Variants in RND3 observed in about 807,000 individuals in gnomAD.
RND3 encodes Rho family GTPase 3, also known as rho-related GTP-binding protein RhoE.
A neutral mutation model predicts 26.5 loss-of-function variants in RND3; 8 were observed. The ratio of observed to expected loss-of-function variants is 0.30; its 90% CI spans 0.18 to 0.54. RND3 has a LOEUF of 0.54. RND3 is among the 20% of genes least tolerant of loss of function. The pLI is 0.94. For missense variants in RND3, 207 were observed against 302.8 expected (o/e 0.68, Z 2.35); for synonymous variants, 113 against 113.0 (o/e 1.00, Z 0.00).
chr2:150,486,505 T>G lies in RND3; in HGVS notation c.238+189A>C, dbSNP rs1037645042. ...CACAGCGCTCTCCTCTCCCCACTGC[T>G]ATCTCCTCGTCCACGCTGTCGTCTG... On this transcript the variant is annotated intron_variant, in intron 3 of 5. Coordinates refer to ENST00000263895, the MANE Select transcript of RND3 (RefSeq NM_005168.5). The surrounding 1 kb of genome is among the most constrained non-coding windows in gnomAD (Gnocchi z 4.5). 6.6e-6 allele frequency among the ~76,000 whole-genome samples: 1 copy of G among 152,318 alleles called. No individual in the cohort carries two copies. The highest frequency in any genetic ancestry group is 1.5e-5 in the Non-Finnish European group (1 of 68,016).
chr2:150,473,061 T>C (rs1686112402), intron 4 of RND3, among the ~76,000 whole-genome samples: 1 of 127,286 alleles, frequency 7.9e-6, no homozygotes, highest in Non-Finnish European at 1.6e-5. Context: ...TCTCTCCCTC[T>C]CTCCCTCACT....
At chr2:150,471,925 C>T (rs1271788281) in intron 4 of RND3, 164 bp from the exon 5 acceptor site, 4 of 602,446 alleles carry the variant, frequency 6.6e-6, no homozygotes, top group Non-Finnish European at 8.7e-6. Flanking sequence ...ATCTCCTGAA[C>T]AGATGTGAAG....
chr2:150,481,296 T>C (rs958174369), intron 3 of RND3, among the ~76,000 whole-genome samples: 27 of 152,170 alleles, frequency 1.8e-4, no homozygotes, highest in African/African-American at 6.5e-4. Flanking sequence ...GGGCTCACCA[T>C]CCTATAAACA....
chr2:150,486,920 A>G lies in RND3; in HGVS notation c.151-139T>C. 1.4e-6 allele frequency: 1 copy of G among 718,818 alleles called. No homozygotes were observed. Among genetic ancestry groups the G allele is most frequent in the South Asian group, 1.6e-5 (1 of 64,492 alleles). 44.5% of individuals were successfully genotyped at this position (718,818 alleles called of 1,614,324 possible). A position where few individuals can be genotyped will look rare whatever the true frequency, so the allele number is the denominator to read the frequency against. ...ACCTTCACACATCAGACCACACACT[A>G]AGCACATGGACCCTTTCCGAAACCC... On this transcript the variant is annotated intron_variant, in intron 2 of 5. Transcript: ENST00000263895. This position sits in a 1 kb window ranked among gnomAD's most constrained non-coding sequence, Gnocchi z 4.5.
chr2:150,483,023 C>A (rs985247610), intron 3 of RND3, among the ~76,000 whole-genome samples: 1 of 151,036 alleles, frequency 6.6e-6, no homozygotes, highest in Non-Finnish European at 1.5e-5. Context: ...ATAGTGGATG[C>A]GGGAAAAAAG....
intron 3 of RND3, among the ~76,000 whole-genome samples, chr2:150,481,279 A>C (rs1408460017): frequency 6.6e-6 from 1 of 152,144 alleles, no homozygotes; most frequent in Non-Finnish European, 1.5e-5. Flanking sequence ...CCAGGTTTAG[A>C]ACCTCCGGGC....
At chr2:150,471,791 A>G (rs924716586) in intron 4 of RND3, 30 bp from the exon 5 acceptor site, 5 of 1,564,662 alleles carry the variant, frequency 3.2e-6, no homozygotes, top group Non-Finnish European at 4.4e-6. Flanking sequence ...AAGATTAAAA[A>G]TGAACAAAGT....
Position 150,486,548 on chromosome 2 carries a change from G to T in RND3, c.238+146C>A, listed in dbSNP as rs964488159. 1.5e-5 allele frequency: 11 copies of T among 724,418 alleles called. No individual in the cohort carries two copies. The Admixed American group carries it at 2.0e-4, about 13-fold the overall frequency. 44.9% of individuals were successfully genotyped at this position (724,418 alleles called of 1,614,324 possible). ...GTCGTCTGCCGCCCCCACCCAGAAG[G>T]GATACAATTTTCGCCCAACAGGGAC... On this transcript the variant is annotated intron_variant, in intron 3 of 5. Coordinates refer to ENST00000263895, the MANE Select transcript of RND3 (RefSeq NM_005168.5). This position sits in a 1 kb window ranked among gnomAD's most constrained non-coding sequence, Gnocchi z 4.5.
chr2:150,479,899 T>A (rs1686241212), intron 3 of RND3, among the ~76,000 whole-genome samples: 3 of 152,214 alleles, frequency 2.0e-5, no homozygotes, highest in African/African-American at 7.2e-5. Context: ...TAATAGGAAC[T>A]ATGAACAGAT....
intron 3 of RND3, among the ~76,000 whole-genome samples, chr2:150,479,488 T>A (rs1335928955): frequency 2.0e-5 from 3 of 152,214 alleles, no homozygotes; most frequent in Non-Finnish European, 4.4e-5. Context: ...ACTTGAACCT[T>A]CATCTGAAAA....
chr2:150,478,544 A>G (rs1379364626), intron 3 of RND3, among the ~76,000 whole-genome samples: 1 of 150,082 alleles, frequency 6.7e-6, no homozygotes, highest in African/African-American at 2.5e-5. Context: ...ATATCCCTCC[A>G]GAAAAGTCTT....
chr2:150,482,166 G>C (rs1686285114), intron 3 of RND3, among the ~76,000 whole-genome samples: 1 of 152,218 alleles, frequency 6.6e-6, no homozygotes, highest in Non-Finnish European at 1.5e-5. Flanking sequence ...AATTGAATAT[G>C]TTAAAAGTAA....
At chr2:150,470,262 T>C in intron 5 of RND3, 24 bp from the exon 6 acceptor site, 5 of 1,607,518 alleles carry the variant, frequency 3.1e-6, no homozygotes, top group Non-Finnish European at 4.2e-6. Flanking sequence ...GAAGGGATTT[T>C]AACCAGCAAT....
intron 5 of RND3, among the ~76,000 whole-genome samples, 170 bp from the exon 6 acceptor site, chr2:150,470,408 CTTAT>C (rs1438376233): frequency 6.6e-6 from 1 of 152,090 alleles, no homozygotes; most frequent in East Asian, 1.9e-4. Flanking sequence ...TGTAAACTGC[CTTAT>C]TTATTACTTC....
chr2:150,487,060 T>C, intron 2 of RND3: 1 of 602,590 alleles, frequency 1.7e-6, no homozygotes, highest in Middle Eastern at 4.4e-4. Flanking sequence ...CCAGCCCATG[T>C]GCAGGCGCGT....
At chr2:150,472,694 C>T (rs1030066751) in intron 4 of RND3, among the ~76,000 whole-genome samples, 3 of 152,126 alleles carry the variant, frequency 2.0e-5, no homozygotes, top group Non-Finnish European at 2.9e-5. Flanking sequence ...TTCCCACCCA[C>T]ATTCACAAAT....
intron 3 of RND3, among the ~76,000 whole-genome samples, chr2:150,478,993 T>C (rs1471257244): frequency 6.6e-6 from 1 of 151,908 alleles, no homozygotes; most frequent in Admixed American, 6.6e-5. Context: ...AAACTCTATA[T>C]TGTAAAGAAA....
At position 150,485,720 on chromosome 2, in the gene RND3, C is replaced by A. The variant is rs550641283; in HGVS notation, c.238+974G>T. On this transcript the variant is annotated intron_variant, in intron 3 of 5. Transcript: ENST00000263895. ...CAAGACCTCAGATGGTGCCCCCCTG[C>A]CACTCCCCGGCCTTTGACCTGGCCT... 3.3e-5 allele frequency among the ~76,000 whole-genome samples: 5 copies of A among 152,240 alleles called. No homozygotes were observed. In the South Asian group the frequency reaches 1.0e-3, roughly 32 times the overall value.
At chr2:150,479,220 G>A (rs1430254483) in intron 3 of RND3, among the ~76,000 whole-genome samples, 2 of 152,098 alleles carry the variant, frequency 1.3e-5, no homozygotes, top group Admixed American at 6.5e-5. Flanking sequence ...AAAATTTCCA[G>A]CCAAAGAATA....
Sources: allele counts gnomAD v4.1 joint callset (sites outside exome capture counted in the v4.1 genomes callset), GRCh38; gene constraint gnomAD v4.1.1; non-coding constraint Gnocchi (gnomAD v3.1); transcripts MANE v1.5; gene names NCBI Gene and HGNC (gene_info 2026-07-23, HGNC 2026-07-21).